Variants in NRXN3 observed in about 807,000 individuals in gnomAD.
The protein encoded by NRXN3 is neurexin III.
A neutral mutation model predicts 137.6 loss-of-function variants in NRXN3; 32 were observed. That is an observed-to-expected ratio of 0.23 (90% confidence interval 0.18 to 0.31). The LOEUF (loss-of-function observed/expected upper bound fraction) is 0.31. Ranked by LOEUF, NRXN3 falls within the 10% of genes least tolerant of loss-of-function variation. The pLI is 1.00. For synonymous variants in NRXN3, 798 were observed against 784.5 expected, an observed-to-expected ratio of 1.02 and a Z score of -0.29; for missense variants, 1,574 against 2,062.5, an observed-to-expected ratio of 0.76 and a Z score of 4.59.
chr14:79,685,840 AAAGAG>A lies in NRXN3; in HGVS notation c.3617-6329_3617-6325del, dbSNP rs2098692421. Among the ~76,000 whole-genome samples, 4 of 152,224 alleles carry A rather than the reference AAAGAG, an allele frequency of 2.6e-5. 1 individual carries two copies. In the South Asian group the frequency reaches 8.3e-4, roughly 31 times the overall value. ...GGATTTTTGATTTGTTTAGGATATG[AAAGAG>A]AAGTCTAATATTAACATGTATGCAC... On this transcript the variant is annotated intron_variant, in intron 17 of 20. Coordinates refer to ENST00000335750, the MANE Select transcript of NRXN3 (RefSeq NM_001330195.2).
At chr14:79,449,478 T>C (rs1194476036) in intron 15 of NRXN3, among the ~76,000 whole-genome samples, 1 of 152,208 alleles carries the variant, frequency 6.6e-6, no homozygotes, top group Admixed American at 6.5e-5. Flanking sequence ...TTAGGGAGTA[T>C]AGAAATTGCT....
chr14:79,756,394 T>G (rs900967517), intron 19 of NRXN3, among the ~76,000 whole-genome samples: 3 of 152,214 alleles, frequency 2.0e-5, no homozygotes, highest in African/African-American at 7.2e-5. Context: ...AGCGTGATTA[T>G]TTTGCTTTTA....
At chr14:79,202,074 C>CTT (rs557399504) in intron 15 of NRXN3, among the ~76,000 whole-genome samples, 2 of 142,930 alleles carry the variant, frequency 1.4e-5, no homozygotes, top group African/African-American at 2.5e-5. Context: ...TGTGTGTTAT[C>CTT]TTTTTTTTTT....
At chr14:79,809,492 C>G (rs1224775935) in intron 20 of NRXN3, among the ~76,000 whole-genome samples, 1 of 152,048 alleles carries the variant, frequency 6.6e-6, no homozygotes, top group African/African-American at 2.4e-5. Flanking sequence ...CTATCCCTAC[C>G]TTTTTCTGGG....
intron 15 of NRXN3, among the ~76,000 whole-genome samples, chr14:79,111,735 CA>C (rs1212843626): frequency 0.011 from 1,006 of 87,482 alleles, 12 homozygotes; most frequent in Admixed American, 0.062. Context: ...GACTCCATCT[CA>C]AAAAAAAAAA....
chr14:78,491,392 C>T (rs1181002789), intron 4 of NRXN3, among the ~76,000 whole-genome samples: 3 of 152,116 alleles, frequency 2.0e-5, no homozygotes, highest in East Asian at 1.9e-4. Context: ...GCAGGGGATG[C>T]GCTCTTTGTC....
chr14:78,501,122 A>G (rs1020757261), intron 4 of NRXN3, among the ~76,000 whole-genome samples: 2 of 152,166 alleles, frequency 1.3e-5, no homozygotes, highest in African/African-American at 4.8e-5. Flanking sequence ...ATGGCTGCAT[A>G]ACAAATTACT....
At chr14:78,412,524 TATTGGTTCAC>T (rs1447304884) in intron 4 of NRXN3, among the ~76,000 whole-genome samples, 7 of 152,074 alleles carry the variant, frequency 4.6e-5, no homozygotes, top group African/African-American at 1.7e-4. Context: ...GCCAGGTGAG[TATTGGTTCAC>T]ATTTTGCAAT....
chr14:79,511,907 T>C (rs1029491312), intron 16 of NRXN3, among the ~76,000 whole-genome samples: 3 of 152,228 alleles, frequency 2.0e-5, no homozygotes, highest in Admixed American at 1.3e-4. Flanking sequence ...GTTGTTGTTC[T>C]TGTTGTTGTT....
intron 19 of NRXN3, among the ~76,000 whole-genome samples, chr14:79,803,775 A>G (rs910937044): frequency 2.0e-5 from 3 of 152,042 alleles, no homozygotes; most frequent in African/African-American, 7.2e-5. Context: ...TACTAGCTGT[A>G]TGTCTTTCAG....
intron 15 of NRXN3, among the ~76,000 whole-genome samples, chr14:79,443,646 G>A (rs1465441676): frequency 6.6e-6 from 1 of 152,186 alleles, no homozygotes; most frequent in Non-Finnish European, 1.5e-5. Flanking sequence ...AAAATCTGAA[G>A]CATTTAAGAT....
At chr14:78,991,652 C>G (rs1401420597) in intron 15 of NRXN3, among the ~76,000 whole-genome samples, 1 of 152,160 alleles carries the variant, frequency 6.6e-6, no homozygotes, top group Non-Finnish European at 1.5e-5. Context: ...GGTACTAAAT[C>G]CATCATGTGT....
At chr14:78,300,488 C>T (rs1039624321) in intron 4 of NRXN3, among the ~76,000 whole-genome samples, 4 of 152,204 alleles carry the variant, frequency 2.6e-5, no homozygotes, top group East Asian at 1.9e-4. Flanking sequence ...GTTTGTTTTG[C>T]GCTGCCTCCT....
At chr14:79,257,589 A>ATGG (rs780777887) in intron 15 of NRXN3, among the ~76,000 whole-genome samples, 1,325 of 29,826 alleles carry the variant, frequency 0.044, 76 homozygotes, top group African/African-American at 0.12. Flanking sequence ...GATGGTAATG[A>ATGG]TGGTGGTGGT....
intron 16 of NRXN3, among the ~76,000 whole-genome samples, chr14:79,533,571 A>T (rs1292461311): frequency 6.6e-6 from 1 of 152,090 alleles, no homozygotes; most frequent in African/African-American, 2.4e-5. Context: ...CTTTAATTTG[A>T]CAGGTGATTC....
At chr14:78,946,484 C>T (rs1284501698) in intron 10 of NRXN3, among the ~76,000 whole-genome samples, 6 of 152,184 alleles carry the variant, frequency 3.9e-5, no homozygotes, top group Non-Finnish European at 8.8e-5. Flanking sequence ...TCCTTTAGAA[C>T]AGTGAGTGTA....
At chr14:79,661,281 G>T (rs1000072982) in intron 16 of NRXN3, among the ~76,000 whole-genome samples, 2 of 152,088 alleles carry the variant, frequency 1.3e-5, no homozygotes, top group Non-Finnish European at 2.9e-5. Context: ...CATGGGGATT[G>T]CAGACATCAT....
At chr14:79,476,360 C>T (rs1379988924) in intron 16 of NRXN3, among the ~76,000 whole-genome samples, 2 of 152,046 alleles carry the variant, frequency 1.3e-5, no homozygotes, top group Admixed American at 6.6e-5. Flanking sequence ...CCTGTCATTT[C>T]CTGGCCTGCG....
chr14:78,823,023 A>T (rs2098955649), intron 10 of NRXN3, among the ~76,000 whole-genome samples: 1 of 152,134 alleles, frequency 6.6e-6, no homozygotes, highest in Non-Finnish European at 1.5e-5. Flanking sequence ...TTAGTGCCCC[A>T]TGCTTGCCAT....
Sources: allele counts gnomAD v4.1 joint callset (sites outside exome capture counted in the v4.1 genomes callset), GRCh38; gene constraint gnomAD v4.1.1; transcripts MANE v1.5; gene names NCBI Gene and HGNC (gene_info 2026-07-23, HGNC 2026-07-21).